Variants in HYAL4 observed in about 807,000 individuals in gnomAD.
The protein encoded by HYAL4 is hyaluronidase 4.
In HYAL4, 37 loss-of-function variants were observed where a neutral mutation model predicts 35.2. The observed-to-expected ratio is 1.05, with a 90% confidence interval of 0.81 to 1.38. The LOEUF (loss-of-function observed/expected upper bound fraction) is 1.38. Among genes scored for constraint, HYAL4 ranks in the 40% most tolerant of loss-of-function variants. The probability of loss-of-function intolerance (pLI) is 0.00; values close to 1 mark genes in which losing one functional copy is unlikely to be tolerated. For missense variants in HYAL4, 572 were observed against 572.4 expected, an observed-to-expected ratio of 1.00 and a Z score of 0.01; for synonymous variants, 198 against 203.2, an observed-to-expected ratio of 0.97 and a Z score of 0.22.
At chr7:123,768,456 G>T in the HYAL4 span, among the ~76,000 whole-genome samples, 1 of 152,144 alleles carries the variant, frequency 6.6e-6, no homozygotes, top group African/African-American at 2.4e-5. Flanking sequence ...AGGGCATTTT[G>T]ATTACATTTA....
chr7:123,871,493 C>A (rs763755050), intron 3 of HYAL4, among the ~76,000 whole-genome samples: 3 of 151,980 alleles, frequency 2.0e-5, no homozygotes, highest in African/African-American at 7.2e-5. Context: ...CGCCCGGCCC[C>A]GCCCATAATT....
rs775680923 is a variant in HYAL4 at position 123,869,143 on chromosome 7, C to T, written c.870C>T (p.Thr290=). Residue 290 remains threonine (T), a synonymous_variant, in exon 3 of 5, where the codon ACC becomes ACT. Coordinates refer to ENST00000223026, the MANE Select transcript of HYAL4 (RefSeq NM_012269.3). The part of the protein sequence containing the change: ...FRVHESMRIS[T]MTSHDYALPV... ...TGCATGAATCCATGAGGATCTCCAC[C>T]ATGACATCTCATGATTATGCTCTGC... is the stretch of plus-strand genomic sequence containing the variant. 11 of 1,614,118 alleles carry T rather than the reference C, an allele frequency of 6.8e-6. No homozygotes were observed. The East Asian group carries it at 1.3e-4, about 20-fold the overall frequency.
chr7:123,856,355 G>A (rs1000612658), intron 2 of HYAL4, among the ~76,000 whole-genome samples: 2 of 152,026 alleles, frequency 1.3e-5, no homozygotes, highest in Non-Finnish European at 2.9e-5. Flanking sequence ...CTTTGATGTT[G>A]GTGACCTTTG....
In HYAL4 at chr7:123,868,363, G is replaced by A; in HGVS notation, c.90G>A (p.Lys30=). The A allele has an allele frequency of 1.2e-6, 2 of 1,608,942 alleles. No homozygotes were observed. The highest frequency in any genetic ancestry group is 2.2e-5 in the South Asian group (2 of 89,700). ...TSWLLIFFIL[K]SISCLKPARL... ...GGCTCCTTATATTTTTTATTCTAAA[G>A]TCTATCTCTTGTCTAAAACCTGCTC... The change falls in exon 3 of 5, where the codon AAG becomes AAA. Residue 30 remains lysine (K), a synonymous_variant. Transcript: ENST00000223026.
the HYAL4 span, among the ~76,000 whole-genome samples, chr7:123,779,272 A>C: frequency 6.6e-6 from 1 of 152,164 alleles, no homozygotes; most frequent in Non-Finnish European, 1.5e-5. Context: ...AGGGGTCTTG[A>C]GAAGAAAAAG....
the HYAL4 span, among the ~76,000 whole-genome samples, chr7:123,767,740 G>A: frequency 6.6e-6 from 1 of 152,152 alleles, no homozygotes; most frequent in Non-Finnish European, 1.5e-5. Flanking sequence ...ACCTATAAGA[G>A]ATGGGTCAGT....
At chr7:123,839,624 G>C (rs199970241) in intron 1 of HYAL4, among the ~76,000 whole-genome samples, 11 of 152,072 alleles carry the variant, frequency 7.2e-5, no homozygotes, top group Admixed American at 2.0e-4. Flanking sequence ...ATTCCTATTT[G>C]TCCACATCCT....
chr7:123,805,943 G>A, the HYAL4 span, among the ~76,000 whole-genome samples: 1,880 of 152,106 alleles, frequency 0.012, 34 homozygotes, highest in African/African-American at 0.043. Context: ...GCAGTGAGGC[G>A]AGATTGAGCC....
Position 123,868,827 on chromosome 7 carries a change from A to G in HYAL4, c.554A>G (p.Tyr185Cys), listed in dbSNP as rs183857146. Residue 185 changes from tyrosine to cysteine, a missense_variant, in exon 3 of 5, where the codon TAT becomes TGT. Transcript: ENST00000223026. ...AATGTATCAGCTACCGATATTGAAT[A>G]TTTAGCCAAAGTGACCTTTGAAGAA... ...GKNVSATDIE[Y>C]LAKVTFEESA... 8 of 1,614,226 alleles carry G rather than the reference A, an allele frequency of 5.0e-6. No individual in the cohort carries two copies. In the Admixed American group the frequency reaches 1.2e-4, roughly 24 times the overall value.
chr7:123,846,987 G>A (rs1240578503), intron 1 of HYAL4, among the ~76,000 whole-genome samples: 1 of 152,134 alleles, frequency 6.6e-6, no homozygotes, highest in Non-Finnish European at 1.5e-5. Flanking sequence ...GCTCTATTTG[G>A]GGTGTCTCCT....
chr7:123,850,862 G>T (rs1052605710), intron 2 of HYAL4, among the ~76,000 whole-genome samples: 2 of 152,118 alleles, frequency 1.3e-5, no homozygotes, highest in African/African-American at 4.8e-5. Context: ...CAAAATCTAT[G>T]ATTGGAACAT....
the HYAL4 span, among the ~76,000 whole-genome samples, chr7:123,818,018 C>G: frequency 9.2e-5 from 14 of 151,924 alleles, no homozygotes; most frequent in Non-Finnish European, 2.1e-4. Context: ...GCTGGGATTA[C>G]AGGCAGGCAC....
At chr7:123,864,443 TA>T (rs1228903156) in intron 2 of HYAL4, among the ~76,000 whole-genome samples, 1 of 152,168 alleles carries the variant, frequency 6.6e-6, no homozygotes, top group East Asian at 1.9e-4. Flanking sequence ...TAACTCTTTC[TA>T]AACATTGTCA....
At chr7:123,792,319 C>T in the HYAL4 span, among the ~76,000 whole-genome samples, 5 of 152,186 alleles carry the variant, frequency 3.3e-5, no homozygotes, top group African/African-American at 1.2e-4. Context: ...CTTGAGATGC[C>T]TTAAGTTGTG....
the HYAL4 span, among the ~76,000 whole-genome samples, chr7:123,786,562 A>C: frequency 1.3e-5 from 2 of 152,060 alleles, no homozygotes; most frequent in African/African-American, 4.8e-5. Context: ...TATTAAAAGT[A>C]TGCATCAGTT....
chr7:123,768,397 C>T, the HYAL4 span, among the ~76,000 whole-genome samples: 2 of 152,284 alleles, frequency 1.3e-5, no homozygotes, highest in East Asian at 3.9e-4. Context: ...AAAGACCTAT[C>T]TTATTAGGAT....
chr7:123,777,607 A>G, the HYAL4 span, among the ~76,000 whole-genome samples: 18 of 152,084 alleles, frequency 1.2e-4, no homozygotes, highest in Middle Eastern at 3.4e-3. Context: ...CTGTGTTTCT[A>G]TTTTTCATTA....
chr7:123,836,483 G>A (rs1435244769), intron 1 of HYAL4, among the ~76,000 whole-genome samples: 1 of 151,992 alleles, frequency 6.6e-6, no homozygotes, highest in African/African-American at 2.4e-5. Flanking sequence ...TATGTGTTAG[G>A]TGAGTCCTGA....
At chr7:123,857,667 T>TTC (rs1806475332) in intron 2 of HYAL4, among the ~76,000 whole-genome samples, 1 of 81,766 alleles carries the variant, frequency 1.2e-5, no homozygotes, top group Admixed American at 1.3e-4. Context: ...CTTTCTTTGT[T>TTC]TGTTTCTTTC....
Sources: allele counts gnomAD v4.1 joint callset (sites outside exome capture counted in the v4.1 genomes callset), GRCh38; gene constraint gnomAD v4.1.1; transcripts MANE v1.5; gene names NCBI Gene and HGNC (gene_info 2026-07-23, HGNC 2026-07-21).